The following VAV1 variants were observed in gnomAD, a reference collection of about 807,000 sequenced individuals.
VAV1 encodes the protein proto-oncogene vav.
In VAV1, 33 loss-of-function variants were observed where a neutral mutation model predicts 128.1. The ratio of observed to expected loss-of-function variants is 0.26; its 90% CI spans 0.20 to 0.34. The LOEUF (loss-of-function observed/expected upper bound fraction) is 0.34. Among genes scored for constraint, VAV1 ranks in the 10% least tolerant of loss-of-function variants. The pLI is 1.00. For synonymous variants in VAV1, 394 were observed against 409.8 expected (o/e 0.96, Z 0.47); for missense variants, 715 against 1,093.7 (o/e 0.65, Z 4.88).
intron 6 of VAV1, among the ~76,000 whole-genome samples, chr19:6,824,552 G>C (rs1180114325): frequency 2.0e-5 from 3 of 150,008 alleles, no homozygotes; most frequent in Non-Finnish European, 4.4e-5. Flanking sequence ...TCTTTTTTGA[G>C]ATAGAGTCTC....
At chr19:6,773,087 C>T (rs1321295078) in intron 1 of VAV1, 76 bp downstream of exon 1, 9 of 1,558,142 alleles carry the variant, frequency 5.8e-6, no homozygotes, top group African/African-American at 1.4e-5. Flanking sequence ...GAGGGGCTGA[C>T]GTGCTGCTCC....
At chr19:6,786,086 A>G (rs1970886158) in intron 1 of VAV1, among the ~76,000 whole-genome samples, 1 of 152,108 alleles carries the variant, frequency 6.6e-6, no homozygotes, top group South Asian at 2.1e-4. Flanking sequence ...CTGACCTGTC[A>G]TAGTTTTTAC....
chr19:6,797,641 T>G (rs1006263543), intron 1 of VAV1, among the ~76,000 whole-genome samples: 1 of 151,250 alleles, frequency 6.6e-6, no homozygotes. Flanking sequence ...GGGCAGAGGT[T>G]GTTGTGAGCC....
intron 1 of VAV1, among the ~76,000 whole-genome samples, chr19:6,782,656 A>G (rs1301902283): frequency 1.3e-5 from 2 of 152,168 alleles, no homozygotes; most frequent in Non-Finnish European, 2.9e-5. Context: ...AGGCAAGGCT[A>G]ATCGCTTGAG....
chr19:6,854,115 T>C lies in VAV1; in HGVS notation c.2484+17T>C, dbSNP rs1401902135. The C allele has an allele frequency of 6.2e-7, 1 of 1,610,776 alleles. No homozygotes were observed. Among genetic ancestry groups the C allele is most frequent in the South Asian group, 1.1e-5 (1 of 90,912 alleles). The stretch of plus-strand genomic sequence containing the variant: ...TATGGCCGGGTGAGGCAGGCAGGGC[T>C]GGGTGACGGGGAGGGCATGGGGGTT... On this transcript the variant is annotated intron_variant, in intron 26 of 26. Coordinates refer to ENST00000602142, the MANE Select transcript of VAV1 (RefSeq NM_005428.4).
rs144784152 is a variant in VAV1 at position 6,781,437 on chromosome 19, C to T, written c.204+8426C>T. 2.7e-3 allele frequency among the ~76,000 whole-genome samples: 413 copies of T among 152,234 alleles called. 2 individuals carry two copies. Among genetic ancestry groups the T allele is most frequent in the African/African-American group, 9.5e-3 (394 of 41,546 alleles). On this transcript the variant is annotated intron_variant, in intron 1 of 26. Transcript: ENST00000602142. ...GAGTTTTGCCAGCTGGATGGGAAATCAGTGGAGCTCATTAAGGCTCAGTTT... is the reference window on the plus strand; with the variant it reads ...GAGTTTTGCCAGCTGGATGGGAAATTAGTGGAGCTCATTAAGGCTCAGTTT...
chr19:6,842,672 T>A (rs954560606), intron 21 of VAV1, among the ~76,000 whole-genome samples: 3 of 151,836 alleles, frequency 2.0e-5, no homozygotes, highest in African/African-American at 7.3e-5. Context: ...TGACAAAATT[T>A]AAAAAAATTA....
chr19:6,794,442 C>T (rs1157613676), intron 1 of VAV1, among the ~76,000 whole-genome samples: 1 of 152,070 alleles, frequency 6.6e-6, no homozygotes, highest in Non-Finnish European at 1.5e-5. Flanking sequence ...GAGTTTGAGG[C>T]TGCAGTGAGC....
At chr19:6,823,069 T>C (rs1368290561) in intron 6 of VAV1, among the ~76,000 whole-genome samples, 2 of 148,648 alleles carry the variant, frequency 1.3e-5, no homozygotes, top group African/African-American at 2.4e-5. Flanking sequence ...TGTCCATATG[T>C]AGATATATAT....
rs1971586781 is a variant in VAV1, at chr19:6,814,667, C to CCTTCCTTCCTTCCTTCCTTCCTTTCTTT, written c.205-6028_205-6027insCCTTCCTTCCTTCCTTTCTTTCTTCCTT. Among the ~76,000 whole-genome samples, 42 of 25,110 alleles carry CCTTCCTTCCTTCCTTCCTTCCTTTCTTT rather than the reference C, an allele frequency of 1.7e-3. 5 individuals are homozygous for CCTTCCTTCCTTCCTTCCTTCCTTTCTTT. Among genetic ancestry groups the CCTTCCTTCCTTCCTTCCTTCCTTTCTTT allele is most frequent in the African/African-American group, 5.3e-3 (23 of 4,320 alleles). The allele number at this position is 25,110 out of a possible 152,430, so 16.5% of individuals were successfully genotyped here. On this transcript the variant is annotated intron_variant, in intron 1 of 26. Coordinates refer to ENST00000602142, the MANE Select transcript of VAV1 (RefSeq NM_005428.4). ...TCCTTCCTTCCTTCCTTCCTTCCTTCCTTCCTTTCTTTCTTTCTTTCTTTC... is the reference window on the plus strand; with the variant it reads ...TCCTTCCTTCCTTCCTTCCTTCCTTCCTTCCTTCCTTCCTTCCTTCCTTTCTTTCTTCCTTTCTTTCTTTCTTTCTTTC...
intron 1 of VAV1, among the ~76,000 whole-genome samples, chr19:6,792,409 G>A (rs1971036951): frequency 6.6e-6 from 1 of 152,004 alleles, no homozygotes; most frequent in Non-Finnish European, 1.5e-5. Flanking sequence ...AAAAGAGGAG[G>A]CAGGGTGGTG....
intron 23 of VAV1, among the ~76,000 whole-genome samples, chr19:6,848,565 G>A (rs938464419): frequency 7.9e-5 from 12 of 151,532 alleles, no homozygotes; most frequent in African/African-American, 2.9e-4. Context: ...ACCATGCCCA[G>A]CTAATTTTTG....
intron 1 of VAV1, among the ~76,000 whole-genome samples, chr19:6,818,388 C>G (rs1971708532): frequency 6.6e-6 from 1 of 152,180 alleles, no homozygotes; most frequent in East Asian, 1.9e-4. Flanking sequence ...CAATAAATGT[C>G]TTGTTCACCT....
Position 6,829,816 on chromosome 19 carries a change from C to G in VAV1, c.1296C>G (p.Leu432=). 2 of 1,614,180 alleles carry G rather than the reference C, an allele frequency of 1.2e-6. No homozygotes were observed. The highest frequency in any genetic ancestry group is 8.5e-7 in the Non-Finnish European group (1 of 1,180,018). The change falls in exon 14 of 27, where the codon CTC becomes CTG. Residue 432 remains leucine (L), a synonymous_variant. Coordinates refer to ENST00000602142, the MANE Select transcript of VAV1 (RefSeq NM_005428.4). ...CCTTCCTGCTCGACAAAGCTCTACT[C>G]ATCTGTAAGCGCAGGGGAGACTCCT... ...RYAFLLDKAL[L]ICKRRGDSYD...
intron 24 of VAV1, among the ~76,000 whole-genome samples, chr19:6,852,660 G>T (rs960497955): frequency 4.6e-5 from 7 of 151,648 alleles, no homozygotes; most frequent in Non-Finnish European, 8.8e-5. Flanking sequence ...GGCGGAGCTT[G>T]CAGTGAGCCG....
At chr19:6,856,743 A>G (rs1257222647) in intron 26 of VAV1, among the ~76,000 whole-genome samples, 1 of 148,122 alleles carries the variant, frequency 6.8e-6, no homozygotes, top group Non-Finnish European at 1.5e-5. Context: ...AAAAAAAAAA[A>G]AAAGAAAAGA....
chr19:6,792,529 GCAGTA>G (rs1446285778), intron 1 of VAV1, among the ~76,000 whole-genome samples: 6 of 151,914 alleles, frequency 3.9e-5, no homozygotes, highest in Non-Finnish European at 1.5e-5. Context: ...GGGAAGGAAG[GCAGTA>G]CAGCATAATG....
At chr19:6,810,510 C>T (rs559217252) in intron 1 of VAV1, among the ~76,000 whole-genome samples, 1 of 151,910 alleles carries the variant, frequency 6.6e-6, no homozygotes, top group East Asian at 2.0e-4. Flanking sequence ...TCGAGACCAG[C>T]CTGGCCTACA....
At chr19:6,804,992 A>C (rs1971359561) in intron 1 of VAV1, among the ~76,000 whole-genome samples, 1 of 151,304 alleles carries the variant, frequency 6.6e-6, no homozygotes, top group Admixed American at 6.6e-5. Context: ...CAGCCTCCCT[A>C]AGTGCTGGGA....
Sources: gnomAD v4.1 joint callset for allele counts (sites outside exome capture counted in the v4.1 genomes callset) on GRCh38, gnomAD v4.1.1 for gene constraint, MANE v1.5 for transcripts, NCBI Gene and HGNC (gene_info 2026-07-23, HGNC 2026-07-21) for gene names.